Variants in POC1A observed in about 807,000 individuals in gnomAD.
POC1A encodes POC1 centriolar protein homolog A.
A neutral mutation model predicts 47.8 loss-of-function variants in POC1A; 34 were observed. The ratio of observed to expected loss-of-function variants is 0.71; its 90% CI spans 0.54 to 0.95. POC1A has a LOEUF of 0.95. Ranked by LOEUF, POC1A falls within the 40% of genes least tolerant of loss-of-function variation. The pLI is 0.00. For synonymous variants in POC1A, 177 were observed against 207.6 expected, an observed-to-expected ratio of 0.85 and a Z score of 1.27; for missense variants, 466 against 528.3, an observed-to-expected ratio of 0.88 and a Z score of 1.16.
At chr3:52,096,514 A>G in intron 10 of POC1A, 55 bp downstream of exon 10, 5 of 1,447,704 alleles carry the variant, frequency 3.5e-6, no homozygotes, top group Non-Finnish European at 4.6e-6. Context: ...AACGGTCCAA[A>G]TGCGGGACCA....
intron 9 of POC1A, among the ~76,000 whole-genome samples, chr3:52,101,263 C>T (rs1025624161): frequency 6.6e-6 from 1 of 152,018 alleles, no homozygotes; most frequent in Non-Finnish European, 1.5e-5. Context: ...ATCAACCAGA[C>T]CTCATCCTAG....
At chr3:52,134,428 T>C in intron 7 of POC1A, among the ~76,000 whole-genome samples, 1 of 152,196 alleles carries the variant, frequency 6.6e-6, no homozygotes, top group South Asian at 2.1e-4. Flanking sequence ...GGTCAGGAGT[T>C]TGAGACCAGC....
intron 6 of POC1A, 37 bp from the exon 7 acceptor site, chr3:52,138,339 GCA>G: frequency 6.3e-7 from 1 of 1,583,910 alleles, no homozygotes; most frequent in South Asian, 1.1e-5. Context: ...TGGCTAGGAG[GCA>G]CAGGGAGCAC....
intron 6 of POC1A, among the ~76,000 whole-genome samples, chr3:52,141,581 T>C (rs1398837833): frequency 6.6e-6 from 1 of 152,164 alleles, no homozygotes; most frequent in Admixed American, 6.5e-5. Context: ...TTCAGGACAG[T>C]GGGAGAGTAG....
At chr3:52,112,071 C>A (rs1482952520) in intron 9 of POC1A, among the ~76,000 whole-genome samples, 2 of 152,238 alleles carry the variant, frequency 1.3e-5, no homozygotes, top group Non-Finnish European at 2.9e-5. Flanking sequence ...TAAAACCACA[C>A]GCCTGCCTGT....
intron 5 of POC1A, 74 bp from the exon 6 acceptor site, chr3:52,146,035 C>G: frequency 1.2e-6 from 1 of 847,696 alleles, no homozygotes; most frequent in Non-Finnish European, 2.0e-6. Flanking sequence ...ACATTTGGTG[C>G]TTTCCCCATC....
intron 7 of POC1A, among the ~76,000 whole-genome samples, chr3:52,132,918 C>A (rs1203020808): frequency 1.3e-5 from 2 of 151,850 alleles, no homozygotes; most frequent in Non-Finnish European, 2.9e-5. Flanking sequence ...TGGTGGCGTG[C>A]ACGTGTAATC....
chr3:52,076,135 C>G (rs1702108491), intron 10 of POC1A, 150 bp from the exon 11 acceptor site: 1 of 637,306 alleles, frequency 1.6e-6, no homozygotes, highest in South Asian at 1.6e-5. Context: ...GGCCCCTTGT[C>G]TCTGGTGCTA....
At position 52,079,404 on chromosome 3, in the gene POC1A, T is replaced by C. The variant is rs1702215724; in HGVS notation, c.1126-3419A>G. Among the ~76,000 whole-genome samples, 1 of 152,256 alleles carries C rather than the reference T, an allele frequency of 6.6e-6. No homozygotes were observed. Among genetic ancestry groups the C allele is most frequent in the Non-Finnish European group, 1.5e-5 (1 of 68,038 alleles). ...GCTGGAGACAAGGCCACACCTGCCC[T>C]GGAGGGTGAGGAGGAGCGCTCTGCA... is the stretch of plus-strand genomic sequence containing the variant. On this transcript the variant is annotated intron_variant, in intron 10 of 10. Coordinates refer to ENST00000296484, the MANE Select transcript of POC1A (RefSeq NM_015426.5). This position sits in a 1 kb window ranked among gnomAD's most constrained non-coding sequence, Gnocchi z 4.6.
chr3:52,086,933 C>T (rs1477364947), intron 10 of POC1A, among the ~76,000 whole-genome samples: 1 of 152,240 alleles, frequency 6.6e-6, no homozygotes, highest in Non-Finnish European at 1.5e-5. Flanking sequence ...TGGACAAATG[C>T]CCTGAGTGCT....
intron 9 of POC1A, among the ~76,000 whole-genome samples, chr3:52,108,102 C>A (rs1703249030): frequency 1.3e-5 from 2 of 152,230 alleles, no homozygotes; most frequent in African/African-American, 4.8e-5. Flanking sequence ...GTTATAAATA[C>A]TGGACACCAC....
chr3:52,131,686 G>A (rs909741715), intron 7 of POC1A, among the ~76,000 whole-genome samples: 1 of 152,194 alleles, frequency 6.6e-6, no homozygotes, highest in African/African-American at 2.4e-5. Flanking sequence ...GTGGGGACAC[G>A]AGTCTGGGTC....
intron 10 of POC1A, among the ~76,000 whole-genome samples, chr3:52,085,832 A>G (rs1702440826): frequency 2.0e-5 from 3 of 152,184 alleles, no homozygotes. Flanking sequence ...TTAATAGCTA[A>G]TATGCATGTA....
intron 6 of POC1A, 144 bp from the exon 7 acceptor site, chr3:52,138,446 G>T: frequency 1.2e-6 from 1 of 823,160 alleles, no homozygotes; most frequent in South Asian, 1.8e-5. Flanking sequence ...AAGAGCTGTG[G>T]GGAACCCAAC....
intron 5 of POC1A, among the ~76,000 whole-genome samples, chr3:52,146,316 C>A (rs1310522648): frequency 6.6e-6 from 1 of 152,246 alleles, no homozygotes; most frequent in South Asian, 2.1e-4. Flanking sequence ...AGGGCAGATC[C>A]TGCCAGCTGA....
intron 6 of POC1A, among the ~76,000 whole-genome samples, chr3:52,139,111 C>T (rs1404834458): frequency 2.0e-5 from 3 of 152,164 alleles, no homozygotes; most frequent in Non-Finnish European, 4.4e-5. Context: ...AGATTACAGC[C>T]GTGAGCCACC....
At position 52,147,090 on chromosome 3, in the gene POC1A, G is replaced by C; in HGVS notation, c.461C>G (p.Ser154Cys). The change falls in exon 5 of 11, where the codon TCC becomes TGC. Residue 154 changes from serine (S) to cysteine (C), a missense_variant. Transcript: ENST00000296484. ...AGACACGATGAGCCGCCCGTCGGGGGAGAACCTGAACCGGGTGGGGCACAA... is the reference window on the plus strand; with the variant it reads ...AGACACGATGAGCCGCCCGTCGGGGCAGAACCTGAACCGGGTGGGGCACAA... ...HINWVRCAKF[S>C]PDGRLIVSAS... The C allele has an allele frequency of 6.2e-7, 1 of 1,613,700 alleles. No homozygotes were observed. Among genetic ancestry groups the C allele is most frequent in the Non-Finnish European group, 8.5e-7 (1 of 1,179,696 alleles).
Position 52,153,563 on chromosome 3 carries a change from G to C in POC1A, c.18+792C>G, listed in dbSNP as rs115502148. 7.3e-3 allele frequency among the ~76,000 whole-genome samples: 1,105 copies of C among 152,356 alleles called. 13 individuals are homozygous for C. The highest frequency in any genetic ancestry group is 0.025 in the African/African-American group (1,045 of 41,588). On this transcript the variant is annotated intron_variant, in intron 1 of 10. Transcript: ENST00000296484. The stretch of plus-strand genomic sequence containing the variant: ...GCTTCTTGAAAGAACATGCGTAAGA[G>C]AGTGTCCGCCCCTAGGCTCAGTGGG...
At chr3:52,116,742 C>G (rs1157303949) in intron 9 of POC1A, among the ~76,000 whole-genome samples, 1 of 152,116 alleles carries the variant, frequency 6.6e-6, no homozygotes, top group African/African-American at 2.4e-5. Flanking sequence ...GGAAAAGAAC[C>G]CTTTTTAAAG....
Sources: allele counts gnomAD v4.1 joint callset (sites outside exome capture counted in the v4.1 genomes callset), GRCh38; gene constraint gnomAD v4.1.1; non-coding constraint Gnocchi (gnomAD v3.1); transcripts MANE v1.5; gene names NCBI Gene and HGNC (gene_info 2026-07-23, HGNC 2026-07-21).